The following RBFOX2 variants were observed in gnomAD, a reference collection of about 807,000 sequenced individuals.
The protein encoded by RBFOX2 is RNA binding protein fox-1 homolog 2.
Under a neutral mutation model 49.1 loss-of-function variants are expected in RBFOX2, and 10 were observed. The ratio of observed to expected loss-of-function variants is 0.20; its 90% CI spans 0.13 to 0.35. RBFOX2 has a LOEUF of 0.35. RBFOX2 is among the 10% of genes least tolerant of loss of function. The pLI, the probability that RBFOX2 is intolerant of heterozygous loss-of-function variation, is 1.00. For synonymous variants in RBFOX2, 183 were observed against 187.4 expected, an observed-to-expected ratio of 0.98 and a Z score of 0.19; for missense variants, 323 against 486.9, an observed-to-expected ratio of 0.66 and a Z score of 3.17.
chr22:35,784,920 G>A (rs1428096724), intron 2 of RBFOX2, among the ~76,000 whole-genome samples: 2 of 152,220 alleles, frequency 1.3e-5, no homozygotes, highest in South Asian at 2.1e-4. Flanking sequence ...CAGAGGTGGC[G>A]ACCCACTCCA....
intron 1 of RBFOX2, chr22:35,994,373 T>C (rs147712449): frequency 1.1e-4 from 16 of 151,592 alleles, no homozygotes; most frequent in Admixed American, 1.1e-3. Context: ...AGTGCATCCT[T>C]TTATTTATTC....
intron 11 of RBFOX2, 56 bp downstream of exon 13, chr22:35,745,867 C>T (rs574325268): frequency 6.8e-5 from 103 of 1,511,544 alleles, no homozygotes; most frequent in South Asian, 2.8e-4. Context: ...CTGTAGTCTA[C>T]GGGTAAAAGA....
exon 3 of RBFOX2, chr22:35,781,731 C>T (rs771143381): frequency 1.2e-6 from 2 of 1,614,110 alleles, no homozygotes; most frequent in South Asian, 2.2e-5. Flanking sequence ...TCTGTCTGTG[C>T]TCCACCTTCT....
intron 1 of RBFOX2, among the ~76,000 whole-genome samples, chr22:35,929,710 T>G (rs2052126002): frequency 6.6e-6 from 1 of 152,138 alleles, no homozygotes; most frequent in South Asian, 2.1e-4. Flanking sequence ...GGTCTTGAAC[T>G]CCTGGGCTCA....
intron 1 of RBFOX2, among the ~76,000 whole-genome samples, chr22:35,874,937 G>T (rs1207420345): frequency 2.0e-5 from 3 of 152,184 alleles, no homozygotes; most frequent in Non-Finnish European, 4.4e-5. Flanking sequence ...TAAGGTGGGG[G>T]TGATAGGGGA....
chr22:35,810,748 A>G (rs1224677684), intron 1 of RBFOX2, among the ~76,000 whole-genome samples: 1 of 152,210 alleles, frequency 6.6e-6, no homozygotes, highest in Non-Finnish European at 1.5e-5. Context: ...ATTTATTTAC[A>G]GTATACAATT....
Position 35,789,922 on chromosome 22 carries a change from T to C in RBFOX2, c.253-8176A>G, listed in dbSNP as rs939212273. Among the ~76,000 whole-genome samples, 5 of 152,016 alleles carry C rather than the reference T, an allele frequency of 3.3e-5. No individual in the cohort carries two copies. In the South Asian group the frequency reaches 6.2e-4, roughly 19 times the overall value. ...AGCTAAAAAATTTGGGAAGTCTGAG[T>C]GGGTGGAGTGGAGGCTTGGGGGACT... is the stretch of plus-strand genomic sequence containing the variant. On this transcript the variant is annotated intron_variant, in intron 2 of 11. Transcript: ENST00000405409.
At chr22:35,776,006 T>G (rs889809530) in intron 4 of RBFOX2, among the ~76,000 whole-genome samples, 3 of 152,198 alleles carry the variant, frequency 2.0e-5, no homozygotes, top group African/African-American at 4.8e-5. Context: ...CAATGCCTGA[T>G]GAAACTACAT....
At chr22:35,933,078 T>C (rs1341203933) in intron 1 of RBFOX2, among the ~76,000 whole-genome samples, 1 of 152,168 alleles carries the variant, frequency 6.6e-6, no homozygotes, top group South Asian at 2.1e-4. Context: ...AGAACACTTA[T>C]ATTCAGAGAG....
At chr22:35,971,714 C>A (rs531821507) in intron 1 of RBFOX2, among the ~76,000 whole-genome samples, 2 of 151,994 alleles carry the variant, frequency 1.3e-5, no homozygotes, top group Non-Finnish European at 2.9e-5. Context: ...CAACATGAGA[C>A]GGTTGCTCTT....
At position 35,779,684 on chromosome 22, in the gene RBFOX2, A is replaced by C. The variant is rs1265620968; in HGVS notation, c.400-1606T>G. Among the ~76,000 whole-genome samples, 3 of 152,322 alleles carry C rather than the reference A, an allele frequency of 2.0e-5. No individual in the cohort carries two copies. The East Asian group carries it at 5.8e-4, about 29-fold the overall frequency. The stretch of plus-strand genomic sequence containing the variant: ...TGGTTAAGACGAATGAGGCTAAAAG[A>C]AGCTATTTGTCAAGTTTATGAAGCT... On this transcript the variant is annotated intron_variant, in intron 3 of 11. Transcript: ENST00000405409.
At chr22:35,868,803 AATAAAG>A (rs752645680) in intron 1 of RBFOX2, among the ~76,000 whole-genome samples, 3 of 152,222 alleles carry the variant, frequency 2.0e-5, no homozygotes, top group Non-Finnish European at 4.4e-5. Context: ...CGAGACTCAA[AATAAAG>A]ATTAAGAAAC....
chr22:35,878,208 C>T (rs910481589), intron 1 of RBFOX2, among the ~76,000 whole-genome samples: 2 of 152,004 alleles, frequency 1.3e-5, no homozygotes, highest in Admixed American at 6.6e-5. Context: ...ACCAGCCTGG[C>T]GAACACGGTG....
At chr22:35,788,498 T>C (rs981423841) in intron 2 of RBFOX2, among the ~76,000 whole-genome samples, 3 of 152,234 alleles carry the variant, frequency 2.0e-5, no homozygotes, top group African/African-American at 7.2e-5. Flanking sequence ...GTAAATTTTT[T>C]GAGAATCTGA....
intron 1 of RBFOX2, among the ~76,000 whole-genome samples, chr22:35,915,961 T>G (rs537916413): frequency 5.3e-5 from 8 of 152,352 alleles, no homozygotes; most frequent in Admixed American, 3.3e-4. Context: ...GCCTCCTCTT[T>G]GTCTCTATTC....
chr22:36,028,148 CG>C, intron 1 of RBFOX2, 91 bp downstream of exon 1: 3 of 1,330,850 alleles, frequency 2.3e-6, no homozygotes, highest in Non-Finnish European at 2.9e-6. Context: ...CCAGGACTCC[CG>C]GAGGCCCTCC....
At chr22:35,870,348 A>G in intron 1 of RBFOX2, among the ~76,000 whole-genome samples, 1 of 152,012 alleles carries the variant, frequency 6.6e-6, no homozygotes, top group Non-Finnish European at 1.5e-5. Flanking sequence ...CTCTACTAAA[A>G]ATACAAAAAT....
chr22:35,906,790 G>C (rs944124389), intron 1 of RBFOX2, among the ~76,000 whole-genome samples: 1 of 152,092 alleles, frequency 6.6e-6, no homozygotes, highest in African/African-American at 2.4e-5. Flanking sequence ...ATCCCAGCCT[G>C]GCCAACAGAG....
intron 9 of RBFOX2, among the ~76,000 whole-genome samples, chr22:35,756,639 T>C (rs1937041806): frequency 6.6e-6 from 1 of 152,182 alleles, no homozygotes; most frequent in South Asian, 2.1e-4. Flanking sequence ...TGTTTTTACA[T>C]TACGTTTAAG....
Sources: allele counts gnomAD v4.1 joint callset (sites outside exome capture counted in the v4.1 genomes callset), GRCh38; gene constraint gnomAD v4.1.1; transcripts MANE v1.5; gene names NCBI Gene and HGNC (gene_info 2026-07-23, HGNC 2026-07-21).